Variants in TNS3 observed in about 807,000 individuals in gnomAD.
TNS3 encodes tensin 3.
A neutral mutation model predicts 140.9 loss-of-function variants in TNS3; 45 were observed. The ratio of observed to expected loss-of-function variants is 0.32; its 90% CI spans 0.25 to 0.41. The LOEUF (loss-of-function observed/expected upper bound fraction) is 0.41, where lower values mean the gene tolerates loss of function less well. Among genes scored for constraint, TNS3 ranks in the 10% least tolerant of loss-of-function variants. The probability of loss-of-function intolerance (pLI) is 1.00; values close to 1 mark genes in which losing one functional copy is unlikely to be tolerated. For missense variants in TNS3, 1,716 were observed against 1,906.7 expected (o/e 0.90, Z 1.86); for synonymous variants, 815 against 788.4 (o/e 1.03, Z -0.56).
chr7:47,548,641 G>A (rs1799984289), intron 1 of TNS3, among the ~76,000 whole-genome samples: 1 of 152,052 alleles, frequency 6.6e-6, no homozygotes, highest in African/African-American at 2.4e-5. Flanking sequence ...ATCCCCTTGG[G>A]TACTTCTAAG....
At chr7:47,491,652 C>T (rs962376009) in intron 3 of TNS3, among the ~76,000 whole-genome samples, 2 of 152,122 alleles carry the variant, frequency 1.3e-5, no homozygotes, top group African/African-American at 2.4e-5. Context: ...TCAGACTAGG[C>T]ATTTCCTGGA....
At chr7:47,478,207 G>C (rs1797266757) in intron 4 of TNS3, among the ~76,000 whole-genome samples, 1 of 152,206 alleles carries the variant, frequency 6.6e-6, no homozygotes, top group Admixed American at 6.5e-5. Flanking sequence ...TTGCCAGAGG[G>C]TTTGTTAAAG....
chr7:47,549,971 T>TTCTCCCC (rs1800020433), intron 1 of TNS3, among the ~76,000 whole-genome samples: 1 of 130,898 alleles, frequency 7.6e-6, no homozygotes, highest in Non-Finnish European at 1.6e-5. Flanking sequence ...CGTTTGGCTC[T>TTCTCCCC]TGACAGGGGT....
chr7:47,340,726 C>T (rs1045884444), intron 20 of TNS3, among the ~76,000 whole-genome samples: 6 of 152,044 alleles, frequency 3.9e-5, no homozygotes, highest in African/African-American at 1.4e-4. Context: ...TCAAGATTCC[C>T]TGGGGCTTTC....
At chr7:47,290,804 C>A (rs1303382142) in intron 27 of TNS3, among the ~76,000 whole-genome samples, 1 of 152,174 alleles carries the variant, frequency 6.6e-6, no homozygotes, top group Admixed American at 6.5e-5. Flanking sequence ...CACACTCTTA[C>A]CATACAATCC....
chr7:47,323,795 C>T (rs939400542), intron 20 of TNS3, among the ~76,000 whole-genome samples: 3 of 151,870 alleles, frequency 2.0e-5, no homozygotes, highest in Non-Finnish European at 1.5e-5. Flanking sequence ...ATACCAAGAG[C>T]GAGGACTAAA....
chr7:47,363,489 C>T (rs535930580), intron 17 of TNS3, among the ~76,000 whole-genome samples: 1 of 152,366 alleles, frequency 6.6e-6, no homozygotes, highest in South Asian at 2.1e-4. Context: ...CTATTCCCAA[C>T]TCTCTACCAC....
intron 8 of TNS3, among the ~76,000 whole-genome samples, chr7:47,434,196 T>C (rs777949813): frequency 2.0e-5 from 3 of 152,076 alleles, no homozygotes; most frequent in East Asian, 1.9e-4. Flanking sequence ...CTAGTGCCTT[T>C]GCAGGAAAGA....
At chr7:47,400,493 A>G (rs1475379215) in intron 14 of TNS3, 35 bp from the exon 15 acceptor site, 2 of 1,605,538 alleles carry the variant, frequency 1.2e-6, no homozygotes, top group East Asian at 2.2e-5. Flanking sequence ...ACATTTGTGG[A>G]GACAATTAAC....
chr7:47,373,765 C>A (rs17172855), intron 16 of TNS3, among the ~76,000 whole-genome samples: 1 of 152,178 alleles, frequency 6.6e-6, no homozygotes, highest in Non-Finnish European at 1.5e-5. Flanking sequence ...CTCTGACACC[C>A]GGTGAATATT....
At chr7:47,532,222 G>A (rs1020544780) in intron 1 of TNS3, among the ~76,000 whole-genome samples, 2 of 152,140 alleles carry the variant, frequency 1.3e-5, no homozygotes, top group African/African-American at 4.8e-5. Flanking sequence ...GGCAGAAGGG[G>A]GTGGGTCCTC....
chr7:47,443,306 C>A (rs1017956123), intron 4 of TNS3, among the ~76,000 whole-genome samples: 7 of 152,190 alleles, frequency 4.6e-5, no homozygotes, highest in African/African-American at 1.7e-4. Flanking sequence ...CACCGCATGG[C>A]CACTGCCCGT....
At chr7:47,446,688 CTTTTTTTTTT>C (rs144042398) in intron 4 of TNS3, among the ~76,000 whole-genome samples, 4 of 96,732 alleles carry the variant, frequency 4.1e-5, no homozygotes, top group South Asian at 4.2e-4. Context: ...TCCAGGCTGC[CTTTTTTTTTT>C]TTTTTTTTTT....
intron 10 of TNS3, among the ~76,000 whole-genome samples, chr7:47,420,061 C>T (rs1173625104): frequency 6.6e-6 from 1 of 152,032 alleles, no homozygotes; most frequent in East Asian, 1.9e-4. Context: ...AATAATGAAC[C>T]CATTTGTCGG....
In TNS3 at chr7:47,366,279, G is replaced by A. The variant is rs78546471; in HGVS notation, c.2281+2086C>T. Among the ~76,000 whole-genome samples the A allele has an allele frequency of 2.2e-3, 328 of 152,262 alleles. 1 individual carries two copies. The highest frequency in any genetic ancestry group is 1.9e-3 in the Non-Finnish European group (129 of 68,016). ...GTGGTGTTGTGGTTGCTATACGGCTGTATTGTAAAGTCCAATAATCTACTC... is the reference window on the plus strand; with the variant it reads ...GTGGTGTTGTGGTTGCTATACGGCTATATTGTAAAGTCCAATAATCTACTC... On this transcript the variant is annotated intron_variant, in intron 17 of 30. Coordinates refer to ENST00000311160, the MANE Select transcript of TNS3 (RefSeq NM_022748.12).
chr7:47,470,725 A>G lies in TNS3; in HGVS notation c.-76+10378T>C, dbSNP rs1339864426. On this transcript the variant is annotated intron_variant, in intron 4 of 30. Coordinates refer to ENST00000311160, the MANE Select transcript of TNS3 (RefSeq NM_022748.12). Reference sequence around the variant, plus strand: ...CCTGCAGCCCAGGCCTCCTAGCCGGAGTGGGTTTTTAATCATTAGCCAAGG... The same window carrying G: ...CCTGCAGCCCAGGCCTCCTAGCCGGGGTGGGTTTTTAATCATTAGCCAAGG... The G allele has an allele frequency of 6.5e-6, 6 of 923,766 alleles. No individual in the cohort carries two copies. In the African/African-American group the frequency reaches 7.1e-5, roughly 11 times the overall value. The allele number at this position is 923,766 out of a possible 1,614,324, so 57.2% of individuals were successfully genotyped here. A position where few individuals can be genotyped will look rare whatever the true frequency, so the allele number is the denominator to read the frequency against.
intron 20 of TNS3, among the ~76,000 whole-genome samples, chr7:47,322,071 A>T (rs969906846): frequency 3.9e-5 from 6 of 152,168 alleles, no homozygotes; most frequent in Non-Finnish European, 5.9e-5. Flanking sequence ...CTGTAAAAGC[A>T]TCAAGCATCC....
At chr7:47,317,928 T>G (rs1262898454) in intron 20 of TNS3, among the ~76,000 whole-genome samples, 2 of 152,216 alleles carry the variant, frequency 1.3e-5, no homozygotes, top group Non-Finnish European at 2.9e-5. Context: ...GTTTCGTTAT[T>G]TTTCTCAAAT....
rs778101331 is a variant in TNS3 at position 47,396,827 on chromosome 7, A to G, written c.997T>C (p.Tyr333His). 1.9e-6 allele frequency: 3 copies of G among 1,614,066 alleles called. No individual in the cohort carries two copies. The highest frequency in any genetic ancestry group is 1.7e-5 in the Admixed American group (1 of 60,010). ...TCTCCATCTGCACTGAGGTTCTCGTACGAGTCCCAGCGTATCAGTGGGTCT... is the reference window on the plus strand; with the variant it reads ...TCTCCATCTGCACTGAGGTTCTCGTGCGAGTCCCAGCGTATCAGTGGGTCT... ...TTDPLIRWDS[Y>H]ENLSADGEVL... Residue 333 changes from tyrosine (Y) to histidine (H), a missense_variant, in exon 16 of 31, where the codon TAC becomes CAC. By Grantham distance (83) the Tyr-to-His change is moderately conservative. Around this residue, in one of 3 missense-constraint regions of TNS3, gnomAD observed 1,163 missense variants for 1,182.1 expected, o/e 0.98. Coordinates refer to ENST00000311160, the MANE Select transcript of TNS3 (RefSeq NM_022748.12).
Sources: allele counts gnomAD v4.1 joint callset (sites outside exome capture counted in the v4.1 genomes callset), GRCh38; gene constraint gnomAD v4.1.1; regional missense constraint gnomAD v4.1.1; transcripts MANE v1.5; gene names NCBI Gene and HGNC (gene_info 2026-07-23, HGNC 2026-07-21).